The following HERC4 variants were observed in gnomAD, a reference collection of about 807,000 sequenced individuals.
HERC4 encodes HECT and RLD domain containing E3 ubiquitin protein ligase 4, also known as probable E3 ubiquitin-protein ligase HERC4.
HERC4 carries 28 observed loss-of-function variants against 124.3 expected under a neutral mutation model. The ratio of observed to expected loss-of-function variants is 0.23; its 90% CI spans 0.17 to 0.31. The LOEUF is 0.31. HERC4 is among the 10% of genes least tolerant of loss of function. HERC4 has a pLI of 1.00. For synonymous variants in HERC4, 407 were observed against 421.5 expected, an observed-to-expected ratio of 0.97 and a Z score of 0.42; for missense variants, 713 against 1,229.3, an observed-to-expected ratio of 0.58 and a Z score of 6.28.
At chr10:68,010,101 C>T in intron 9 of HERC4, 1 of 709,732 alleles carries the variant, frequency 1.4e-6, no homozygotes, top group Non-Finnish European at 2.4e-6. Context: ...TCCTTCCTTA[C>T]TGAATGAAGA....
At chr10:67,959,148 G>T (rs1236869396) in intron 16 of HERC4, 5 of 1,585,010 alleles carry the variant, frequency 3.2e-6, no homozygotes, top group Admixed American at 1.8e-5. Context: ...TAAGACAGCA[G>T]TGCAGAATAT....
chr10:67,984,645 C>T (rs1487690604), intron 15 of HERC4, among the ~76,000 whole-genome samples: 8 of 152,096 alleles, frequency 5.3e-5, no homozygotes, highest in African/African-American at 1.2e-4. Context: ...TGCAATGGCA[C>T]GATTTCGACT....
At chr10:67,977,739 T>C (rs563048053) in intron 15 of HERC4, among the ~76,000 whole-genome samples, 6 of 152,218 alleles carry the variant, frequency 3.9e-5, no homozygotes. Flanking sequence ...CCCAGCACTT[T>C]GGGAGGCCGA....
intron 3 of HERC4, among the ~76,000 whole-genome samples, chr10:68,052,353 T>C (rs549828481): frequency 6.6e-6 from 1 of 152,198 alleles, no homozygotes; most frequent in East Asian, 1.9e-4. Context: ...CATCCTTCTT[T>C]GCTTCTTAAA....
At chr10:68,060,860 T>C (rs1462143650) in intron 3 of HERC4, among the ~76,000 whole-genome samples, 1 of 152,142 alleles carries the variant, frequency 6.6e-6, no homozygotes, top group Non-Finnish European at 1.5e-5. Context: ...TGATCAACTG[T>C]ACTTTGTATC....
At position 67,954,635 on chromosome 10, in the gene HERC4, C is replaced by T. The variant is rs2034021907; in HGVS notation, c.2297G>A (p.Arg766Lys). 6.2e-7 allele frequency: 1 copy of T among 1,613,106 alleles called. No individual in the cohort carries two copies. Among genetic ancestry groups the T allele is most frequent in the South Asian group, 1.1e-5 (1 of 91,016 alleles). ...ELLDPKYGMFRYYEDSRLIWF... is the reference protein window; with the variant it reads ...ELLDPKYGMFKYYEDSRLIWF... Reference sequence around the variant, plus strand: ...AATGAGCCTGGAATCTTCATAATACCTAAACATGCCGTATTTAGGATCCAA... The same window carrying T: ...AATGAGCCTGGAATCTTCATAATACTTAAACATGCCGTATTTAGGATCCAA... Residue 766 changes from arginine (R) to lysine (K), a missense_variant, in exon 19 of 25, where the codon AGG becomes AAG. By Grantham distance (26) the Arg-to-Lys change is conservative. Coordinates refer to ENST00000373700, the MANE Select transcript of HERC4 (RefSeq NM_015601.4).
chr10:67,944,333 C>T (rs1433297542), intron 19 of HERC4, among the ~76,000 whole-genome samples: 1 of 152,198 alleles, frequency 6.6e-6, no homozygotes, highest in Admixed American at 6.5e-5. Context: ...AAATCTTATC[C>T]AAGACCAGGA....
Position 67,940,920 on chromosome 10 carries a change from A to T in HERC4, c.2504+19T>A, listed in dbSNP as rs750475300. 6.9e-6 allele frequency: 11 copies of T among 1,600,324 alleles called. No homozygotes were observed. Among genetic ancestry groups the T allele is most frequent in the Admixed American group, 1.7e-5 (1 of 57,302 alleles). ...ACCTCCCAAACCCTACTACTTTTTG[A>T]CTTTTTTTTCCAACTAACCTCCCAA... is the stretch of plus-strand genomic sequence containing the variant. On this transcript the variant is annotated intron_variant, in intron 20 of 24. Transcript: ENST00000373700.
At position 68,038,280 on chromosome 10, in the gene HERC4, AT is replaced by A. The variant is rs371517446; in HGVS notation, c.387-112del. On this transcript the variant is annotated intron_variant, in intron 4 of 24. Coordinates refer to ENST00000373700, the MANE Select transcript of HERC4 (RefSeq NM_015601.4). ...CTACTATATGCACATAGGTCATATT[AT>A]TTTTTTTCATACAAGCTCAATTTTA... 8.3e-4 allele frequency: 381 copies of A among 456,974 alleles called. 2 individuals are homozygous for A. Among genetic ancestry groups the A allele is most frequent in the African/African-American group, 6.2e-3 (302 of 49,000 alleles). The allele number at this position is 456,974 out of a possible 1,614,324, so 28.3% of individuals were successfully genotyped here.
chr10:67,952,178 C>T (rs2033838483), intron 19 of HERC4, among the ~76,000 whole-genome samples: 1 of 152,156 alleles, frequency 6.6e-6, no homozygotes, highest in Middle Eastern at 3.2e-3. Context: ...TTCCATAATC[C>T]CTCACTATAA....
At chr10:68,029,981 G>A (rs1047291481) in intron 7 of HERC4, among the ~76,000 whole-genome samples, 3 of 151,432 alleles carry the variant, frequency 2.0e-5, no homozygotes, top group Non-Finnish European at 2.9e-5. Flanking sequence ...CTCGTGATCT[G>A]CCTGCCTTGG....
In HERC4 at chr10:67,977,620, A is replaced by G. The variant is rs553753531; in HGVS notation, c.1807-10818T>C. Among the ~76,000 whole-genome samples the G allele has an allele frequency of 2.0e-5, 3 of 152,158 alleles. No homozygotes were observed. In the South Asian group the frequency reaches 6.2e-4, roughly 32 times the overall value. ...TTCCAGGACTTGGTTCTTAGATGGCATTTCTGGACCTGTGCTGGGCCAGAG... is the reference window on the plus strand; with the variant it reads ...TTCCAGGACTTGGTTCTTAGATGGCGTTTCTGGACCTGTGCTGGGCCAGAG... On this transcript the variant is annotated intron_variant, in intron 15 of 24. Transcript: ENST00000373700.
In HERC4 at chr10:68,014,028, A is replaced by G. The variant is rs764766134; in HGVS notation, c.1067T>C (p.Ile356Thr). ...YPYNGQCLPD[I>T]DSEEYFCVKR... is the part of the protein sequence containing the mutation. ...AGCTTTAATATGACAGAACTTACCAATATCTGGTAGACACTGCCCATTATA... is the reference window on the plus strand; with the variant it reads ...AGCTTTAATATGACAGAACTTACCAGTATCTGGTAGACACTGCCCATTATA... Residue 356 changes from isoleucine to threonine, a missense_variant and splice_region_variant, in exon 9 of 25, where the codon ATT becomes ACT. Ile to Thr is a moderately conservative substitution (Grantham distance 89, BLOSUM62 -1). Transcript: ENST00000373700. The G allele has an allele frequency of 2.3e-5, 36 of 1,591,356 alleles. 1 individual carries two copies. The South Asian group carries it at 3.8e-4, about 17-fold the overall frequency.
rs530714123 is a variant in HERC4, at chr10:68,036,226, G to A, written c.463+1867C>T. On this transcript the variant is annotated intron_variant, in intron 5 of 24. Transcript: ENST00000373700. ...CCAGCTACTAGGGAGGCTGAGGCAA[G>A]AGAATGGCGTGAACCCAGGAGGCGG... 4.0e-5 allele frequency among the ~76,000 whole-genome samples: 6 copies of A among 151,564 alleles called. No individual in the cohort carries two copies. In the East Asian group the frequency reaches 1.2e-3, roughly 30 times the overall value.
At chr10:68,038,264 G>A (rs2039579695) in intron 4 of HERC4, 95 bp from the exon 5 acceptor site, 7 of 513,634 alleles carry the variant, frequency 1.4e-5, no homozygotes, top group Non-Finnish European at 2.4e-5. Context: ...CCTACTATAT[G>A]CACATAGGTC....
chr10:68,050,085 C>G (rs1017789993), intron 3 of HERC4, among the ~76,000 whole-genome samples: 1 of 152,106 alleles, frequency 6.6e-6, no homozygotes, highest in Non-Finnish European at 1.5e-5. Context: ...CCCAGCTACT[C>G]AGGAGGCTGA....
chr10:68,038,256 T>G, intron 4 of HERC4, 87 bp from the exon 5 acceptor site: 1 of 599,496 alleles, frequency 1.7e-6, no homozygotes, highest in Non-Finnish European at 2.9e-6. Flanking sequence ...ATTGATGGCC[T>G]ACTATATGCA....
chr10:67,947,841 T>A (rs1392093058), intron 19 of HERC4, among the ~76,000 whole-genome samples: 1 of 75,368 alleles, frequency 1.3e-5, no homozygotes, highest in Non-Finnish European at 2.3e-5. Flanking sequence ...AATACACTCT[T>A]TTTTTTTTTT....
intron 9 of HERC4, chr10:67,995,051 A>G (rs773556241): frequency 3.4e-6 from 1 of 297,908 alleles, no homozygotes; most frequent in Non-Finnish European, 6.5e-6. Context: ...TGTCCTGTAC[A>G]ACTTTATGCA....
Sources: allele counts gnomAD v4.1 joint callset (sites outside exome capture counted in the v4.1 genomes callset), GRCh38; gene constraint gnomAD v4.1.1; transcripts MANE v1.5; gene names NCBI Gene and HGNC (gene_info 2026-07-23, HGNC 2026-07-21).